The following SMARCC1 variants were observed in gnomAD, a reference collection of about 807,000 sequenced individuals.
SMARCC1 encodes SWI/SNF complex subunit SMARCC1.
SMARCC1 carries 43 observed loss-of-function variants against 147.4 expected under a neutral mutation model. The ratio of observed to expected loss-of-function variants is 0.29; its 90% CI spans 0.23 to 0.38. The LOEUF is 0.38. Ranked by LOEUF, SMARCC1 falls within the 10% of genes least tolerant of loss-of-function variation. The pLI is 1.00. For missense variants in SMARCC1, 1,119 were observed against 1,381.1 expected (o/e 0.81, Z 3.01); for synonymous variants, 495 against 484.4 (o/e 1.02, Z -0.29).
chr3:47,749,728 G>GACCCTCTA, intron 2 of SMARCC1, among the ~76,000 whole-genome samples: 1 of 47,558 alleles, frequency 2.1e-5, no homozygotes, highest in Non-Finnish European at 5.8e-5. Context: ...CACACACAGA[G>GACCCTCTA]AAAGAGACAG....
At chr3:47,661,560 G>GT (rs1173500511) in intron 20 of SMARCC1, 105 bp from the exon 21 acceptor site, 2 of 818,000 alleles carry the variant, frequency 2.4e-6, no homozygotes, top group Non-Finnish European at 3.8e-6. Context: ...TGTCTTAGGT[G>GT]TAGCAACCTC....
chr3:47,714,272 G>A (rs1447652500), intron 8 of SMARCC1, 143 bp downstream of exon 8: 5 of 611,308 alleles, frequency 8.2e-6, no homozygotes. Flanking sequence ...GCTAACGCAC[G>A]AGAATCACTT....
rs766621297 is a variant in SMARCC1, at chr3:47,638,745, C to T, written c.2356G>A (p.Asp786Asn). ...TTTACCTTTTCAGGCTGCTGACCATCAGGGTCGGCTTCCATTTTTTCCTCT... is the reference window on the plus strand; with the variant it reads ...TTTACCTTTTCAGGCTGCTGACCATTAGGGTCGGCTTCCATTTTTTCCTCT... Reference protein sequence around the residue: ...AEEEKMEADPDGQQPEKAENK... With the variant: ...AEEEKMEADPNGQQPEKAENK... The change falls in exon 22 of 28, where the codon GAT becomes AAT. Residue 786 changes from aspartate (D) to asparagine (N), a missense_variant. By Grantham distance (23) the Asp-to-Asn change is conservative (BLOSUM62 1). Coordinates refer to ENST00000254480, the MANE Select transcript of SMARCC1 (RefSeq NM_003074.4). 3 of 1,613,444 alleles carry T rather than the reference C, an allele frequency of 1.9e-6. No homozygotes were observed. Among genetic ancestry groups the T allele is most frequent in the Admixed American group, 3.3e-5 (2 of 60,004 alleles).
chr3:47,601,512 G>C (rs1297936125), intron 26 of SMARCC1, among the ~76,000 whole-genome samples: 1 of 152,060 alleles, frequency 6.6e-6, no homozygotes, highest in African/African-American at 2.4e-5. Context: ...CCCCACAGCA[G>C]CTTCCTGGGG....
At position 47,739,900 on chromosome 3, in the gene SMARCC1, G is replaced by A. The variant is rs2034488660; in HGVS notation, c.402-1790C>T. On this transcript the variant is annotated intron_variant, in intron 3 of 27. Transcript: ENST00000254480. ...CTTTCATGTTGTTGTTGTTTTAAAT[G>A]GAGTCCCACTCTATTGCCCAGGCTG... Among the ~76,000 whole-genome samples, 4 of 152,016 alleles carry A rather than the reference G, an allele frequency of 2.6e-5. No individual in the cohort carries two copies. The South Asian group carries it at 8.3e-4, about 32-fold the overall frequency.
At chr3:47,727,787 C>T (rs1163304014) in intron 6 of SMARCC1, among the ~76,000 whole-genome samples, 1 of 151,714 alleles carries the variant, frequency 6.6e-6, no homozygotes, top group Admixed American at 6.6e-5. Flanking sequence ...GGTTAAATTT[C>T]GCCATATTGG....
chr3:47,779,448 G>C (rs2035016170), intron 1 of SMARCC1, among the ~76,000 whole-genome samples: 1 of 152,182 alleles, frequency 6.6e-6, no homozygotes, highest in South Asian at 2.1e-4. Flanking sequence ...AACACCCAGA[G>C]ACTGAAAAGA....
At chr3:47,708,521 A>G (rs953594509) in intron 9 of SMARCC1, among the ~76,000 whole-genome samples, 1 of 152,180 alleles carries the variant, frequency 6.6e-6, no homozygotes, top group African/African-American at 2.4e-5. Flanking sequence ...TCTGAACAGA[A>G]ATGGGTATGA....
At chr3:47,740,741 G>C (rs2034499907) in intron 3 of SMARCC1, among the ~76,000 whole-genome samples, 1 of 151,664 alleles carries the variant, frequency 6.6e-6, no homozygotes, top group Non-Finnish European at 1.5e-5. Context: ...ACAATGGCCA[G>C]GTTTTTAAAA....
intron 2 of SMARCC1, among the ~76,000 whole-genome samples, chr3:47,749,184 G>A (rs946291190): frequency 1.3e-5 from 2 of 151,822 alleles, no homozygotes; most frequent in African/African-American, 4.8e-5. Context: ...CGCACCTGCA[G>A]TCCCAGCTAC....
chr3:47,650,162 G>C (rs2033170010), intron 21 of SMARCC1, among the ~76,000 whole-genome samples: 1 of 151,750 alleles, frequency 6.6e-6, no homozygotes, highest in Non-Finnish European at 1.5e-5. Flanking sequence ...TGTAGTCCCA[G>C]CTACTTGGGA....
chr3:47,598,479 TCTC>T (rs2032334849), intron 26 of SMARCC1, among the ~76,000 whole-genome samples: 1 of 152,038 alleles, frequency 6.6e-6, no homozygotes, highest in Admixed American at 6.6e-5. Flanking sequence ...CCTTCACAGG[TCTC>T]CTCCTCTCTC....
At chr3:47,684,113 G>C (rs868026966) in intron 14 of SMARCC1, among the ~76,000 whole-genome samples, 49 of 148,000 alleles carry the variant, frequency 3.3e-4, no homozygotes, top group Admixed American at 1.6e-3. Flanking sequence ...AGTGGCGGGC[G>C]CCTGTAGTCC....
intron 5 of SMARCC1, 132 bp downstream of exon 5, chr3:47,735,896 ACTCAAG>A: frequency 4.2e-6 from 2 of 473,478 alleles, no homozygotes; most frequent in Non-Finnish European, 7.4e-6. Context: ...AAAAAAAAAA[ACTCAAG>A]AAAAAAATTT....
intron 18 of SMARCC1, among the ~76,000 whole-genome samples, chr3:47,671,196 A>AAAAACAAAAAAAAC (rs753672169): frequency 1.2e-5 from 1 of 81,144 alleles, no homozygotes; most frequent in Non-Finnish European, 2.4e-5. Context: ...AAAAAAAAAA[A>AAAAACAAAAAAAAC]AACACACACA....
intron 26 of SMARCC1, among the ~76,000 whole-genome samples, chr3:47,600,796 G>A (rs2032369825): frequency 6.6e-6 from 1 of 152,074 alleles, no homozygotes; most frequent in Non-Finnish European, 1.5e-5. Context: ...TTTTTGTGGT[G>A]TCTGATATAG....
chr3:47,664,370 C>G (rs1036918709), intron 19 of SMARCC1, among the ~76,000 whole-genome samples: 8 of 152,106 alleles, frequency 5.3e-5, no homozygotes, highest in Non-Finnish European at 8.8e-5. Context: ...TCAGTTCTTT[C>G]CAAGTTGAAC....
At chr3:47,729,494 T>G (rs568527529) in intron 5 of SMARCC1, among the ~76,000 whole-genome samples, 63 of 152,262 alleles carry the variant, frequency 4.1e-4, no homozygotes, top group Non-Finnish European at 6.9e-4. Context: ...CAAACGATTC[T>G]CCTGCCTCAG....
intron 2 of SMARCC1, among the ~76,000 whole-genome samples, chr3:47,763,053 G>A (rs1464164028): frequency 7.7e-5 from 9 of 117,576 alleles, no homozygotes; most frequent in African/African-American, 2.8e-4. Context: ...GCGACAGAGC[G>A]AGACTCCATC....
Sources: allele counts gnomAD v4.1 joint callset (sites outside exome capture counted in the v4.1 genomes callset), GRCh38; gene constraint gnomAD v4.1.1; transcripts MANE v1.5; gene names NCBI Gene and HGNC (gene_info 2026-07-23, HGNC 2026-07-21).